Variants in ADAMTSL1 observed in about 807,000 individuals in gnomAD.
The protein encoded by ADAMTSL1 is ADAMTS-like protein 1.
In ADAMTSL1, 126 loss-of-function variants were observed where a neutral mutation model predicts 201.8. The observed-to-expected ratio is 0.62, with a 90% CI of 0.54 to 0.72. The LOEUF is 0.72. Ranked by LOEUF, ADAMTSL1 falls within the 30% of genes least tolerant of loss-of-function variation. The pLI, the probability that ADAMTSL1 is intolerant of heterozygous loss-of-function variation, is 0.00. For missense variants in ADAMTSL1, 2,679 were observed against 2,277.8 expected (o/e 1.18, Z -3.59); for synonymous variants, 1,121 against 903.4 (o/e 1.24, Z -4.32).
intron 1 of ADAMTSL1, among the ~76,000 whole-genome samples, chr9:18,124,008 T>C (rs1436923423): frequency 1.3e-5 from 2 of 152,024 alleles, no homozygotes; most frequent in African/African-American, 4.8e-5. Context: ...TGGTATCTCA[T>C]TGTGGTTTTG....
intron 4 of ADAMTSL1, among the ~76,000 whole-genome samples, chr9:18,589,217 T>G (rs915337284): frequency 6.6e-6 from 1 of 152,156 alleles, no homozygotes; most frequent in Non-Finnish European, 1.5e-5. Flanking sequence ...CAACATGGAA[T>G]AGCTTTCCAT....
intron 1 of ADAMTSL1, among the ~76,000 whole-genome samples, chr9:18,030,138 G>A (rs1457409406): frequency 1.3e-5 from 2 of 152,156 alleles, no homozygotes; most frequent in Non-Finnish European, 2.9e-5. Flanking sequence ...CAAAGACTTG[G>A]AACCAACCCA....
At chr9:18,197,241 T>C (rs1456710551) in intron 2 of ADAMTSL1, among the ~76,000 whole-genome samples, 1 of 152,164 alleles carries the variant, frequency 6.6e-6, no homozygotes. Context: ...TTGATGGGGA[T>C]GGCATTGAAT....
At chr9:18,765,244 C>G (rs1820293319) in intron 16 of ADAMTSL1, among the ~76,000 whole-genome samples, 1 of 152,158 alleles carries the variant, frequency 6.6e-6, no homozygotes. Flanking sequence ...GATCCATACT[C>G]CTACAAATTC....
chr9:18,261,639 G>A (rs1831928530), intron 2 of ADAMTSL1, among the ~76,000 whole-genome samples: 1 of 152,196 alleles, frequency 6.6e-6, no homozygotes, highest in African/African-American at 2.4e-5. Context: ...GATTAACAGT[G>A]CTATAGACCA....
At chr9:17,928,959 C>T (rs571574887) in intron 1 of ADAMTSL1, among the ~76,000 whole-genome samples, 1 of 152,016 alleles carries the variant, frequency 6.6e-6, no homozygotes, top group African/African-American at 2.4e-5. Context: ...AATTACACGA[C>T]TATGGACAAA....
chr9:18,635,436 A>G (rs528625773), intron 5 of ADAMTSL1, among the ~76,000 whole-genome samples: 1 of 152,194 alleles, frequency 6.6e-6, no homozygotes, highest in South Asian at 2.1e-4. Context: ...TTAGGAATAG[A>G]TATTGTGAAG....
At chr9:18,110,640 T>A (rs1462052570) in intron 1 of ADAMTSL1, among the ~76,000 whole-genome samples, 1 of 152,168 alleles carries the variant, frequency 6.6e-6, no homozygotes, top group Non-Finnish European at 1.5e-5. Context: ...GCTGCTCTTC[T>A]TTTCTTGGTG....
At chr9:18,388,997 C>T (rs1837931383) in intron 2 of ADAMTSL1, among the ~76,000 whole-genome samples, 1 of 151,910 alleles carries the variant, frequency 6.6e-6, no homozygotes, top group Non-Finnish European at 1.5e-5. Flanking sequence ...CCTCATGATC[C>T]ACCCTCCTCG....
At chr9:18,207,496 A>G (rs1476545115) in intron 2 of ADAMTSL1, among the ~76,000 whole-genome samples, 1 of 152,170 alleles carries the variant, frequency 6.6e-6, no homozygotes, top group Admixed American at 6.5e-5. Context: ...GTTAGGTACA[A>G]CTCATTTTAA....
chr9:18,522,379 AGTT>A (rs1391702077), intron 2 of ADAMTSL1, among the ~76,000 whole-genome samples: 1 of 152,130 alleles, frequency 6.6e-6, no homozygotes, highest in African/African-American at 2.4e-5. Context: ...TGTTTCTCTC[AGTT>A]GTTCTCACAA....
chr9:18,666,886 G>C (rs1405383990), intron 9 of ADAMTSL1, among the ~76,000 whole-genome samples: 1 of 151,592 alleles, frequency 6.6e-6, no homozygotes, highest in East Asian at 1.9e-4. Context: ...AGTTAAGGCT[G>C]TCTGGAGGAA....
At chr9:18,494,359 A>G (rs1391405113) in intron 1 of ADAMTSL1, among the ~76,000 whole-genome samples, 1 of 152,108 alleles carries the variant, frequency 6.6e-6, no homozygotes, top group Admixed American at 6.5e-5. Context: ...AAAAAAAAAA[A>G]AAAACCAGGC....
At chr9:17,989,442 G>C (rs1195026344) in intron 1 of ADAMTSL1, among the ~76,000 whole-genome samples, 1 of 151,684 alleles carries the variant, frequency 6.6e-6, no homozygotes, top group Non-Finnish European at 1.5e-5. Context: ...TTAACATTTA[G>C]AGTGTTTTAA....
intron 2 of ADAMTSL1, among the ~76,000 whole-genome samples, chr9:18,391,958 G>A (rs537469188): frequency 1.3e-5 from 2 of 150,924 alleles, no homozygotes; most frequent in East Asian, 4.0e-4. Context: ...CCTAGTAGCT[G>A]GGACTACAGG....
At chr9:18,275,011 T>C (rs1008411827) in intron 2 of ADAMTSL1, among the ~76,000 whole-genome samples, 1 of 152,206 alleles carries the variant, frequency 6.6e-6, no homozygotes, top group African/African-American at 2.4e-5. Context: ...AAACCTCATC[T>C]GGTTGCTTTT....
chr9:18,663,668 A>G (rs1829250051), intron 9 of ADAMTSL1, among the ~76,000 whole-genome samples: 1 of 152,150 alleles, frequency 6.6e-6, no homozygotes, highest in African/African-American at 2.4e-5. Flanking sequence ...GTGTATTTCT[A>G]GGAGAAATGA....
intron 1 of ADAMTSL1, among the ~76,000 whole-genome samples, chr9:18,118,102 G>T (rs938096131): frequency 6.6e-6 from 1 of 152,154 alleles, no homozygotes; most frequent in Admixed American, 6.5e-5. Context: ...GGTAGGGCTG[G>T]ATTTGCTCTC....
intron 20 of ADAMTSL1, among the ~76,000 whole-genome samples, chr9:18,798,648 G>A (rs1822580799): frequency 6.6e-6 from 1 of 152,090 alleles, no homozygotes; most frequent in Non-Finnish European, 1.5e-5. Context: ...AAAGTACTTG[G>A]GGTGCCTGGA....
Sources: allele counts gnomAD v4.1 joint callset (sites outside exome capture counted in the v4.1 genomes callset), GRCh38; gene constraint gnomAD v4.1.1; transcripts MANE v1.5; gene names NCBI Gene and HGNC (gene_info 2026-07-23, HGNC 2026-07-21).